Variants in GSDMA observed in about 807,000 individuals in gnomAD.
The protein encoded by GSDMA is gasdermin A, also known as gasdermin-A.
GSDMA carries 55 observed loss-of-function variants against 54.3 expected under a neutral mutation model. The ratio of observed to expected loss-of-function variants is 1.01; its 90% CI spans 0.82 to 1.27. The LOEUF (loss-of-function observed/expected upper bound fraction) is 1.27. Among genes scored for constraint, GSDMA ranks in the 50% most tolerant of loss-of-function variants. The probability of loss-of-function intolerance (pLI) is 0.00; values close to 1 mark genes in which losing one functional copy is unlikely to be tolerated. For missense variants in GSDMA, 542 were observed against 542.6 expected (o/e 1.00, Z 0.01); for synonymous variants, 211 against 224.7 (o/e 0.94, Z 0.54).
chr17:39,977,287 C>A lies in GSDMA; in HGVS notation c.*229C>A. 6.8e-5 allele frequency: 20 copies of A among 295,640 alleles called. No individual in the cohort carries two copies. The highest frequency in any genetic ancestry group is 1.9e-4 in the East Asian group (3 of 15,698). 18.3% of individuals were successfully genotyped at this position (295,640 alleles called of 1,614,324 possible). ...TGATGCTTAAATTTTCTTTACTTTT[C>A]TTTTCTTTTTTTTTTTTTTTTTGAG... On this transcript the variant is annotated 3_prime_UTR_variant, in exon 12 of 12. Coordinates refer to ENST00000301659, the MANE Select transcript of GSDMA (RefSeq NM_178171.5).
At chr17:39,966,466 C>A in intron 3 of GSDMA, 29 bp downstream of exon 3, 1 of 1,560,840 alleles carries the variant, frequency 6.4e-7, no homozygotes, top group Non-Finnish European at 8.7e-7. Context: ...GAGGGTCTCC[C>A]GGGATGTGGG....
chr17:39,974,325 CCAA>C lies in GSDMA; in HGVS notation c.808_810del (p.Gln270del), dbSNP rs1005014316. On this transcript the variant is annotated inframe_deletion, in exon 9 of 12. Coordinates refer to ENST00000301659, the MANE Select transcript of GSDMA (RefSeq NM_178171.5). ...TAAAAGAAGAAGTTCAGAGAGAGAC[CCAA>C]CAAGTGGAGAAGCTGAGCCGAGTAG... 3.1e-6 allele frequency: 5 copies of C among 1,610,548 alleles called. No homozygotes were observed. Among genetic ancestry groups the C allele is most frequent in the African/African-American group, 1.3e-5 (1 of 74,934 alleles).
intron 3 of GSDMA, among the ~76,000 whole-genome samples, chr17:39,970,146 G>T (rs1019791271): frequency 7.9e-5 from 12 of 151,948 alleles, no homozygotes; most frequent in African/African-American, 2.9e-4. Flanking sequence ...AAGAGGGGGG[G>T]AGCATCTACC....
intron 3 of GSDMA, among the ~76,000 whole-genome samples, chr17:39,967,750 G>A (rs1386235597): frequency 1.3e-5 from 2 of 152,142 alleles, no homozygotes; most frequent in Admixed American, 6.5e-5. Flanking sequence ...TTGGCTCACC[G>A]CAACCTCCGC....
rs961576668 is a variant in GSDMA at position 39,965,720 on chromosome 17, G to A, written c.33G>A (p.Leu11=). The change falls in exon 2 of 12, where the codon CTG becomes CTA. Residue 11 remains leucine, a synonymous_variant. Coordinates refer to ENST00000301659, the MANE Select transcript of GSDMA (RefSeq NM_178171.5). MTMFENVTRA[L]ARQLNPRGDL... is the part of the protein sequence containing the mutation. Reference sequence around the variant, plus strand: ...TGTTTGAAAATGTCACCCGGGCCCTGGCCAGACAGCTAAACCCTCGAGGGG... The same window carrying A: ...TGTTTGAAAATGTCACCCGGGCCCTAGCCAGACAGCTAAACCCTCGAGGGG... 1 of 1,610,698 alleles carries A rather than the reference G, an allele frequency of 6.2e-7. No homozygotes were observed. Among genetic ancestry groups the A allele is most frequent in the South Asian group, 1.1e-5 (1 of 90,288 alleles).
At chr17:39,972,694 G>A in intron 7 of GSDMA, 81 bp downstream of exon 7, 1 of 1,194,590 alleles carries the variant, frequency 8.4e-7, no homozygotes, top group South Asian at 1.3e-5. Flanking sequence ...CTTCTGACAG[G>A]ACTGACAGGG....
At position 39,971,554 on chromosome 17, in the gene GSDMA, A is replaced by G; in HGVS notation, c.589A>G (p.Ile197Val). The change falls in exon 5 of 12, where the codon ATC becomes GTC. Residue 197 changes from isoleucine (I) to valine (V), a missense_variant. Transcript: ENST00000301659. ...GSINHKEAVT[I>V]PKGCVLAFRV... is the part of the protein sequence containing the mutation. Reference sequence around the variant, plus strand: ...CATAAATCACAAGGAGGCTGTAACCATCCCCAAGGGCTGCGTCCTGGCCTT... The same window carrying G: ...CATAAATCACAAGGAGGCTGTAACCGTCCCCAAGGGCTGCGTCCTGGCCTT... The G allele has an allele frequency of 6.2e-7, 1 of 1,613,876 alleles. No homozygotes were observed. The highest frequency in any genetic ancestry group is 8.5e-7 in the Non-Finnish European group (1 of 1,179,790).
intron 11 of GSDMA, among the ~76,000 whole-genome samples, chr17:39,976,276 ATTT>A (rs10549101): frequency 0.47 from 66,692 of 142,816 alleles, 15,249 homozygotes; most frequent in African/African-American, 0.51. Flanking sequence ...TTGTAAGCAA[ATTT>A]TTTTTTTTTT....
At chr17:39,963,524 C>A (rs1979506734) in intron 1 of GSDMA, among the ~76,000 whole-genome samples, 1 of 152,162 alleles carries the variant, frequency 6.6e-6, no homozygotes, top group Admixed American at 6.5e-5. Context: ...CCAGCCAGAG[C>A]ACCTGGACTC....
At chr17:39,974,556 C>A in intron 9 of GSDMA, 129 bp downstream of exon 9, 2 of 986,226 alleles carry the variant, frequency 2.0e-6, no homozygotes, top group Non-Finnish European at 2.9e-6. Context: ...GGGAGTCCAC[C>A]TTAGATACCT....
chr17:39,976,622 C>G (rs570363202), intron 11 of GSDMA, among the ~76,000 whole-genome samples, 194 bp from the exon 12 acceptor site: 97 of 152,230 alleles, frequency 6.4e-4, no homozygotes, highest in Non-Finnish European at 9.4e-4. Flanking sequence ...TCAATTTATT[C>G]CTCTGTAAAA....
Position 39,974,916 on chromosome 17 carries a change from A to G in GSDMA, c.923A>G (p.Asp308Gly). The G allele has an allele frequency of 6.2e-7, 1 of 1,608,672 alleles. No homozygotes were observed. Among genetic ancestry groups the G allele is most frequent in the Non-Finnish European group, 8.5e-7 (1 of 1,176,310 alleles). The change falls in exon 10 of 12, where the codon GAC becomes GGC. Residue 308 changes from aspartate to glycine, a missense_variant. Physicochemically the swap from Asp to Gly is moderately conservative, Grantham distance 94. Transcript: ENST00000301659. Reference protein sequence around the residue: ...DLELALEGALDKGHEVTLEAL... With the variant: ...DLELALEGALGKGHEVTLEAL... Reference sequence around the variant, plus strand: ...CCCCCACAGCTTGAAGGGGCTCTAGACAAGGGACATGAAGTGACCCTGGAG... The same window carrying G: ...CCCCCACAGCTTGAAGGGGCTCTAGGCAAGGGACATGAAGTGACCCTGGAG...
chr17:39,972,453 TG>T, intron 6 of GSDMA, 133 bp from the exon 7 acceptor site: 2 of 820,774 alleles, frequency 2.4e-6, no homozygotes, highest in Non-Finnish European at 2.0e-6. Flanking sequence ...TCCCGAATCA[TG>T]GGGGTGGATG....
In GSDMA at chr17:39,965,790, C is replaced by G. The variant is rs1402876832; in HGVS notation, c.103C>G (p.Pro35Ala). Residue 35 changes from proline to alanine, a missense_variant, in exon 2 of 12, where the codon CCC becomes GCC. Transcript: ENST00000301659. ...DSLIDFKRFH[P>A]FCLVLRKRKS... ...CCTCATCGACTTCAAGCGCTTCCAT[C>G]CCTTCTGCCTGGTGCTGAGGAAGAG... 7 of 1,607,482 alleles carry G rather than the reference C, an allele frequency of 4.4e-6. No homozygotes were observed. In the African/African-American group the frequency reaches 9.4e-5, roughly 21 times the overall value.
intron 2 of GSDMA, 119 bp downstream of exon 2, chr17:39,966,020 C>A: frequency 2.1e-6 from 2 of 956,690 alleles, no homozygotes; most frequent in Non-Finnish European, 3.1e-6. Context: ...TCATCTAGCC[C>A]AAAGTCATCA....
chr17:39,970,734 A>G, intron 4 of GSDMA, 87 bp downstream of exon 4: 1 of 1,237,694 alleles, frequency 8.1e-7, no homozygotes, highest in South Asian at 3.0e-5. Flanking sequence ...CCCTCCTTGG[A>G]GGCTTCATTA....
chr17:39,963,383 C>T (rs1979498743), intron 1 of GSDMA, among the ~76,000 whole-genome samples: 1 of 151,952 alleles, frequency 6.6e-6, no homozygotes, highest in Admixed American at 6.6e-5. Flanking sequence ...AGAACAGCCC[C>T]ACGCATCTGT....
rs377245968 is a variant in GSDMA at position 39,970,636 on chromosome 17, T to C, written c.547T>C (p.Leu183=). 580 of 1,541,786 alleles carry C rather than the reference T, an allele frequency of 3.8e-4. 1 individual carries two copies. The African/African-American group carries it at 6.7e-3, about 18-fold the overall frequency. Residue 183 remains leucine (L), a synonymous_variant, in exon 4 of 12, where the codon TTG becomes CTG. Transcript: ENST00000301659. ...CTTCTCCCTCCCCTTCTTCGCCCCA[T>C]TGGGGCTACAGGTTTGATTCAAACA... ...ACFSLPFFAP[L]GLQGSINHKE...
intron 8 of GSDMA, 56 bp downstream of exon 8, chr17:39,973,886 C>T (rs56326707): frequency 0.45 from 661,673 of 1,482,868 alleles, 150,436 homozygotes; most frequent in East Asian, 0.51. Flanking sequence ...GCATTAGGGG[C>T]AGAGAGAGGA....
Sources: gnomAD v4.1 joint callset for allele counts (sites outside exome capture counted in the v4.1 genomes callset) on GRCh38, gnomAD v4.1.1 for gene constraint, MANE v1.5 for transcripts, NCBI Gene and HGNC (gene_info 2026-07-23, HGNC 2026-07-21) for gene names.